DENND1A: variants seen among roughly 807,000 people sequenced by gnomAD.
The protein encoded by DENND1A is DENN domain-containing protein 1A.
A neutral mutation model predicts 113.7 loss-of-function variants in DENND1A; 51 were observed. That is an observed-to-expected ratio of 0.45 (90% CI 0.36 to 0.57). The LOEUF (loss-of-function observed/expected upper bound fraction) is 0.57, where lower values mean the gene tolerates loss of function less well. DENND1A is among the 20% of genes least tolerant of loss of function. DENND1A has a pLI of 0.00. For missense variants in DENND1A, 1,258 were observed against 1,395.9 expected (o/e 0.90, Z 1.57); for synonymous variants, 565 against 570.8 (o/e 0.99, Z 0.14).
intron 4 of DENND1A, among the ~76,000 whole-genome samples, chr9:123,761,746 C>T (rs567859993): frequency 2.0e-5 from 3 of 152,264 alleles, no homozygotes; most frequent in African/African-American, 7.2e-5. Context: ...AAAGGTCTGG[C>T]AAGGGAAGTC....
At chr9:123,711,505 G>GTGTATATATA (rs1554970624) in intron 5 of DENND1A, among the ~76,000 whole-genome samples, 9 of 62,562 alleles carry the variant, frequency 1.4e-4, no homozygotes, top group African/African-American at 6.3e-4. Flanking sequence ...ATATATATAT[G>GTGTATATATA]TATATATGTA....
chr9:123,922,230 G>A (rs1408636889), intron 1 of DENND1A, among the ~76,000 whole-genome samples: 1 of 152,060 alleles, frequency 6.6e-6, no homozygotes, highest in African/African-American at 2.4e-5. Context: ...CACCACGCCC[G>A]GCCTGTCATT....
chr9:123,791,462 G>C (rs574274607), intron 3 of DENND1A, among the ~76,000 whole-genome samples: 1 of 152,170 alleles, frequency 6.6e-6, no homozygotes, highest in African/African-American at 2.4e-5. Flanking sequence ...TTATTTAAAA[G>C]TCTTGAGATC....
At chr9:123,876,668 T>C (rs1282195754) in intron 2 of DENND1A, among the ~76,000 whole-genome samples, 1 of 152,202 alleles carries the variant, frequency 6.6e-6, no homozygotes, top group Non-Finnish European at 1.5e-5. Flanking sequence ...GGACTGTCCT[T>C]GTAACTCTTA....
At chr9:123,413,455 C>T in intron 19 of DENND1A, 1 of 985,452 alleles carries the variant, frequency 1.0e-6, no homozygotes, top group Non-Finnish European at 1.2e-6. Flanking sequence ...AGTGACACTT[C>T]AGATCTCAAA....
rs780541249 is a variant in DENND1A, at chr9:123,528,141, T to C, written c.993+29429A>G. On this transcript the variant is annotated intron_variant, in intron 13 of 23. Coordinates refer to ENST00000394215, the MANE Select transcript of DENND1A (RefSeq NM_001352964.2). ...ATGACCAGCACTCCATCTGCAATGA[T>C]GAAAGAAAGCTAAAGGCAGGAGTCA... Among the ~76,000 whole-genome samples the C allele has an allele frequency of 2.6e-5, 4 of 152,188 alleles. No homozygotes were observed. In the East Asian group the frequency reaches 5.8e-4, roughly 22 times the overall value.
intron 1 of DENND1A, among the ~76,000 whole-genome samples, chr9:123,909,093 C>T (rs1037862052): frequency 2.0e-5 from 3 of 151,466 alleles, no homozygotes; most frequent in African/African-American, 7.3e-5. Flanking sequence ...TAAACTATCG[C>T]AAGAACAAAA....
chr9:123,402,604 C>T (rs751542576), intron 21 of DENND1A: 5 of 534,816 alleles, frequency 9.3e-6, no homozygotes, highest in Admixed American at 1.9e-5. Flanking sequence ...AACTCATGCA[C>T]TTTTTCAAGG....
At chr9:123,640,695 C>T (rs1229848037) in intron 9 of DENND1A, among the ~76,000 whole-genome samples, 2 of 152,216 alleles carry the variant, frequency 1.3e-5, no homozygotes, top group Non-Finnish European at 2.9e-5. Context: ...GCGCCCAGTG[C>T]TGGGCTCTGT....
At chr9:123,409,488 C>G (rs1193227629) in intron 20 of DENND1A, among the ~76,000 whole-genome samples, 1 of 151,256 alleles carries the variant, frequency 6.6e-6, no homozygotes, top group South Asian at 2.1e-4. Context: ...CCGAAACAAA[C>G]TGAAAGCTGA....
At chr9:123,763,265 G>T (rs2071196084) in intron 4 of DENND1A, among the ~76,000 whole-genome samples, 1 of 152,180 alleles carries the variant, frequency 6.6e-6, no homozygotes, top group South Asian at 2.1e-4. Context: ...GTCCAGGTGA[G>T]ACTGGATGGT....
intron 5 of DENND1A, among the ~76,000 whole-genome samples, chr9:123,682,294 G>C (rs1313154832): frequency 1.3e-5 from 2 of 152,310 alleles, no homozygotes; most frequent in East Asian, 3.9e-4. Context: ...ATGATACAAT[G>C]AAGCAGTGCC....
rs371715901 is a variant in DENND1A at position 123,383,876 on chromosome 9, C to T, written c.1798G>A (p.Ala600Thr). 38 of 1,612,688 alleles carry T rather than the reference C, an allele frequency of 2.4e-5. No homozygotes were observed. Among genetic ancestry groups the T allele is most frequent in the East Asian group, 2.0e-4 (9 of 44,900 alleles). ...PYRTLRESDS[A>T]EGDEAESPEQ... ...GGACTCTCTGCCTCGTCGCCTTCCG[C>T]GCTGTCTGACTCCCTGAGTGTCCGA... The change falls in exon 23 of 24, where the codon GCG (alanine) becomes ACG (threonine). Residue 600 changes from alanine to threonine, a missense_variant. Physicochemically the swap from Ala to Thr is moderately conservative, Grantham distance 58. Coordinates refer to ENST00000394215, the MANE Select transcript of DENND1A (RefSeq NM_001352964.2).
At chr9:123,874,337 T>C (rs1022516952) in intron 2 of DENND1A, among the ~76,000 whole-genome samples, 6 of 151,930 alleles carry the variant, frequency 3.9e-5, no homozygotes, top group Non-Finnish European at 7.4e-5. Flanking sequence ...AAGATATCTA[T>C]AACACATATA....
At chr9:123,529,117 G>C (rs1044991699) in intron 13 of DENND1A, among the ~76,000 whole-genome samples, 3 of 152,062 alleles carry the variant, frequency 2.0e-5, no homozygotes, top group Admixed American at 2.0e-4. Flanking sequence ...AATAACATAT[G>C]ACCAATGCAA....
At chr9:123,489,510 C>T (rs893362060) in intron 13 of DENND1A, among the ~76,000 whole-genome samples, 2 of 152,254 alleles carry the variant, frequency 1.3e-5, no homozygotes, top group African/African-American at 4.8e-5. Context: ...GCCTCAGTGG[C>T]ATAAGCTCCA....
intron 13 of DENND1A, among the ~76,000 whole-genome samples, chr9:123,511,169 C>T (rs773420811): frequency 6.6e-6 from 1 of 152,230 alleles, no homozygotes; most frequent in Non-Finnish European, 1.5e-5. Flanking sequence ...TGGGTAGGGA[C>T]TTCTGCCATG....
rs78843490 is a variant in DENND1A, at chr9:123,558,640, G to A, written c.868-945C>T. On this transcript the variant is annotated intron_variant, in intron 12 of 23. Coordinates refer to ENST00000394215, the MANE Select transcript of DENND1A (RefSeq NM_001352964.2). ...AAACCCGTTGGCCAAATGGAATAAA[G>A]ATTTTCCTGAAAAGTGAGACATAAA... is the stretch of plus-strand genomic sequence containing the variant. Among the ~76,000 whole-genome samples, 739 of 152,288 alleles carry A rather than the reference G, an allele frequency of 4.9e-3. 2 individuals are homozygous for A. Among genetic ancestry groups the A allele is most frequent in the Non-Finnish European group, 7.5e-3 (511 of 68,014 alleles).
rs576868755 is a variant in DENND1A at position 123,437,311 on chromosome 9, C to T, written c.1488+3049G>A. Among the ~76,000 whole-genome samples the T allele has an allele frequency of 7.2e-5, 11 of 152,326 alleles. No individual in the cohort carries two copies. In the South Asian group the frequency reaches 1.9e-3, roughly 26 times the overall value. On this transcript the variant is annotated intron_variant, in intron 19 of 23. Coordinates refer to ENST00000394215, the MANE Select transcript of DENND1A (RefSeq NM_001352964.2). The stretch of plus-strand genomic sequence containing the variant: ...CACTGAGGCAGAGGGCAAGGCAGCA[C>T]CTTCTCTCCCCTGGCAGTAGCAGCT...
Sources: gnomAD v4.1 joint callset for allele counts (sites outside exome capture counted in the v4.1 genomes callset) on GRCh38, gnomAD v4.1.1 for gene constraint, MANE v1.5 for transcripts, NCBI Gene and HGNC (gene_info 2026-07-23, HGNC 2026-07-21) for gene names.